The following MLLT10 variants were observed in gnomAD, a reference collection of about 807,000 sequenced individuals.
MLLT10 encodes MLLT10 histone lysine methyltransferase DOT1L cofactor.
In MLLT10, 30 loss-of-function variants were observed where a neutral mutation model predicts 129.1. The ratio of observed to expected loss-of-function variants is 0.23; its 90% CI spans 0.17 to 0.32. The LOEUF (loss-of-function observed/expected upper bound fraction) is 0.32, where lower values mean the gene tolerates loss of function less well. Among genes scored for constraint, MLLT10 ranks in the 10% least tolerant of loss-of-function variants. MLLT10 has a pLI of 1.00. For synonymous variants in MLLT10, 490 were observed against 446.4 expected, an observed-to-expected ratio of 1.10 and a Z score of -1.23; for missense variants, 1,119 against 1,268.3, an observed-to-expected ratio of 0.88 and a Z score of 1.79.
chr10:21,584,818 A>C (rs928685152), intron 3 of MLLT10, among the ~76,000 whole-genome samples: 1 of 151,752 alleles, frequency 6.6e-6, no homozygotes, highest in Non-Finnish European at 1.5e-5. Context: ...TTATATACAC[A>C]TACATATGTA....
intron 9 of MLLT10, among the ~76,000 whole-genome samples, chr10:21,661,226 CTTGGT>C (rs764393665): frequency 4.9e-4 from 74 of 152,260 alleles, no homozygotes; most frequent in Non-Finnish European, 8.8e-4. Context: ...TGTGGTCCAT[CTTGGT>C]TAATGTTCCA....
At position 21,726,307 on chromosome 10, in the gene MLLT10, A is replaced by C. The variant is rs41277386; in HGVS notation, c.1942A>C (p.Asn648His). The change falls in exon 15 of 23, where the codon AAT becomes CAT. Residue 648 changes from asparagine to histidine, a missense_variant. This residue lies in a region of MLLT10 where 1,004 missense variants were observed against 1,008.7 expected (regional missense o/e 1.00). Coordinates refer to ENST00000307729, the MANE Select transcript of MLLT10 (RefSeq NM_001195626.3). ...APSHMYGNRS[N>H]SSMAALIAQS... ...ATCTCATATGTATGGCAATAGATCA[A>C]ATTCATCAATGGCAGCTCTTATAGC... 2 of 1,613,346 alleles carry C rather than the reference A, an allele frequency of 1.2e-6. No individual in the cohort carries two copies. The highest frequency in any genetic ancestry group is 1.7e-5 in the Admixed American group (1 of 59,962).
At chr10:21,586,062 C>T (rs1249026441) in intron 3 of MLLT10, among the ~76,000 whole-genome samples, 1 of 152,094 alleles carries the variant, frequency 6.6e-6, no homozygotes, top group Non-Finnish European at 1.5e-5. Context: ...GCGCCTGGCC[C>T]ATGGCAGGAA....
At chr10:21,733,446 T>TA in intron 18 of MLLT10, 58 bp from the exon 19 acceptor site, 1 of 1,107,288 alleles carries the variant, frequency 9.0e-7, no homozygotes, top group Admixed American at 3.5e-5. Flanking sequence ...CCTTTAATCT[T>TA]ACACATAATG....
intron 7 of MLLT10, 78 bp downstream of exon 7, chr10:21,615,002 G>A: frequency 8.5e-7 from 1 of 1,175,422 alleles, no homozygotes; most frequent in Non-Finnish European, 1.2e-6. Flanking sequence ...ATTAAAAAAA[G>A]CATATAACAG....
At chr10:21,548,817 G>A (rs1456523144) in intron 3 of MLLT10, among the ~76,000 whole-genome samples, 1 of 151,786 alleles carries the variant, frequency 6.6e-6, no homozygotes, top group East Asian at 1.9e-4. Flanking sequence ...TTTTTTCAGG[G>A]TATCTTGCTT....
intron 8 of MLLT10, among the ~76,000 whole-genome samples, chr10:21,619,067 C>T (rs979741408): frequency 1.4e-5 from 2 of 144,244 alleles, no homozygotes; most frequent in African/African-American, 5.2e-5. Context: ...CACACACACA[C>T]ACTTTTTTTA....
intron 8 of MLLT10, among the ~76,000 whole-genome samples, chr10:21,641,004 G>A (rs999484784): frequency 2.6e-5 from 4 of 152,186 alleles, no homozygotes; most frequent in African/African-American, 9.7e-5. Flanking sequence ...AGGAATCAGT[G>A]TGGATACTAG....
intron 3 of MLLT10, among the ~76,000 whole-genome samples, chr10:21,578,144 C>T (rs1439160033): frequency 6.6e-6 from 1 of 152,112 alleles, no homozygotes; most frequent in Non-Finnish European, 1.5e-5. Flanking sequence ...ATCCACCCGC[C>T]TAGACCTCCC....
At chr10:21,534,835 C>G in intron 2 of MLLT10, 31 bp downstream of exon 2, 1 of 1,540,812 alleles carries the variant, frequency 6.5e-7, no homozygotes, top group Non-Finnish European at 8.8e-7. Context: ...CGGGGCGCGC[C>G]GGCCTGCGCC....
intron 13 of MLLT10, among the ~76,000 whole-genome samples, chr10:21,705,462 G>A (rs544748681): frequency 6.6e-6 from 1 of 152,336 alleles, no homozygotes; most frequent in South Asian, 2.1e-4. Context: ...AGTCATGGTA[G>A]GCAGGGGCAG....
chr10:21,721,202 TA>T (rs1211450778), intron 14 of MLLT10, among the ~76,000 whole-genome samples: 5 of 151,824 alleles, frequency 3.3e-5, no homozygotes, highest in Admixed American at 6.6e-5. Flanking sequence ...AATTGTGCAT[TA>T]AAAAAAATGC....
At chr10:21,622,153 CTTTTTTTTT>C (rs71393915) in intron 8 of MLLT10, among the ~76,000 whole-genome samples, 2 of 99,816 alleles carry the variant, frequency 2.0e-5, no homozygotes, top group Admixed American at 1.1e-4. Context: ...TTTGTTTTTC[CTTTTTTTTT>C]TTTTTTTTTT....
intron 20 of MLLT10, 25 bp downstream of exon 20, chr10:21,734,154 G>T (rs570070536): frequency 1.3e-6 from 2 of 1,566,272 alleles, no homozygotes; most frequent in South Asian, 2.4e-5. Flanking sequence ...TATGTTTTGG[G>T]TTTTTTAGTA....
Position 21,689,561 on chromosome 10 carries a change from A to ATATGTGTATATATATATATATATATG in MLLT10, c.1699+7309_1699+7310insGTATATATATATATATATATGTATGT, listed in dbSNP as rs1554850017. ...TGTGTAAAGTAATATATATATATAT[A>ATATGTGTATATATATATATATATATG]TATGTATATATATATATATATATAT... On this transcript the variant is annotated intron_variant, in intron 13 of 22. Coordinates refer to ENST00000307729, the MANE Select transcript of MLLT10 (RefSeq NM_001195626.3). 1.1e-3 allele frequency among the ~76,000 whole-genome samples: 98 copies of ATATGTGTATATATATATATATATATG among 90,138 alleles called. 1 individual carries two copies. The highest frequency in any genetic ancestry group is 4.3e-3 in the African/African-American group (96 of 22,218). The allele number at this position is 90,138 out of a possible 152,430, so 59.1% of individuals were successfully genotyped here.
intron 8 of MLLT10, among the ~76,000 whole-genome samples, chr10:21,622,153 CTTTT>C (rs71393915): frequency 7.0e-5 from 7 of 99,816 alleles, no homozygotes; most frequent in East Asian, 5.1e-4. Context: ...TTTGTTTTTC[CTTTT>C]TTTTTTTTTT....
intron 14 of MLLT10, among the ~76,000 whole-genome samples, chr10:21,717,789 T>TCTTCTTCTC (rs1554864523): frequency 0.03 from 1,438 of 47,932 alleles, 59 homozygotes; most frequent in Middle Eastern, 0.049. Context: ...TGCTTCTTCT[T>TCTTCTTCTC]CTTCTTCTTC....
At chr10:21,657,938 A>G (rs1286930378) in intron 9 of MLLT10, among the ~76,000 whole-genome samples, 2 of 152,158 alleles carry the variant, frequency 1.3e-5, no homozygotes, top group Non-Finnish European at 2.9e-5. Context: ...TAGAACTTTG[A>G]AGTTATAATG....
chr10:21,579,722 C>T (rs1178422853), intron 3 of MLLT10, among the ~76,000 whole-genome samples: 6 of 151,566 alleles, frequency 4.0e-5, no homozygotes, highest in Non-Finnish European at 8.8e-5. Flanking sequence ...GCCACCACAC[C>T]TGGCTAATTT....
Sources: allele counts gnomAD v4.1 joint callset (sites outside exome capture counted in the v4.1 genomes callset), GRCh38; gene constraint gnomAD v4.1.1; regional missense constraint gnomAD v4.1.1; transcripts MANE v1.5; gene names NCBI Gene and HGNC (gene_info 2026-07-23, HGNC 2026-07-21).